Variants in UGT1A5 observed in about 807,000 individuals in gnomAD.
UGT1A5 encodes UDP-glucuronosyltransferase 1A5.
UGT1A5 carries 29 observed loss-of-function variants against 40.3 expected under a neutral mutation model. That is an observed-to-expected ratio of 0.72 (90% CI 0.54 to 0.98). The LOEUF is 0.98. Ranked by LOEUF, UGT1A5 falls within the 50% of genes least tolerant of loss-of-function variation. The pLI, the probability that UGT1A5 is intolerant of heterozygous loss-of-function variation, is 0.00. For missense variants in UGT1A5, 678 were observed against 677.9 expected (o/e 1.00, Z 0.00); for synonymous variants, 257 against 262.5 (o/e 0.98, Z 0.20).
chr2:233,751,416 G>A (rs1308291640), intron 1 of UGT1A5, among the ~76,000 whole-genome samples: 3 of 152,160 alleles, frequency 2.0e-5, no homozygotes, highest in African/African-American at 4.8e-5. Flanking sequence ...GGACTTTTGA[G>A]CTAGTGCTGA....
chr2:233,713,647 C>T lies in UGT1A5; in HGVS notation c.656C>T (p.Ala219Val), dbSNP rs2076336191. Residue 219 changes from alanine (A) to valine (V), a missense_variant, in exon 1 of 5, where the codon GCC becomes GTC. Transcript: ENST00000373414. ...GTCAAGAACATGCTCTACCCTCTGG[C>T]CCTGTCCTACCTTTGCCATGCTGTT... ...QRVKNMLYPLALSYLCHAVSA... is the reference protein window; with the variant it reads ...QRVKNMLYPLVLSYLCHAVSA... The T allele has an allele frequency of 1.2e-6, 2 of 1,613,856 alleles. No homozygotes were observed. The highest frequency in any genetic ancestry group is 1.3e-5 in the African/African-American group (1 of 74,932).
chr2:233,719,574 G>A (rs2076782937), intron 1 of UGT1A5: 1 of 1,613,926 alleles, frequency 6.2e-7, no homozygotes, highest in Non-Finnish European at 8.5e-7. Context: ...TGTCAGCTAT[G>A]CATCCGTGTG....
chr2:233,772,894 C>CCA lies in UGT1A5; in HGVS notation c.*337_*338dup, dbSNP rs554656848. 8.1e-6 allele frequency: 4 copies of CCA among 491,752 alleles called. No individual in the cohort carries two copies. Among genetic ancestry groups the CCA allele is most frequent in the Non-Finnish European group, 1.3e-5 (4 of 303,172 alleles). The allele number at this position is 491,752 out of a possible 1,614,324, so 30.5% of individuals were successfully genotyped here. A position where few individuals can be genotyped will look rare whatever the true frequency, so the allele number is the denominator to read the frequency against. ...GGGAGTGCGGGATTCAAAGGTGGTC[C>CCA]CACGGCTGCCCCTACTGCAAATGGC... On this transcript the variant is annotated 3_prime_UTR_variant, in exon 5 of 5. Transcript: ENST00000373414.
Position 233,768,378 on chromosome 2 carries a change from G to T in UGT1A5, c.1246G>T (p.Val416Phe). 6.2e-7 allele frequency: 1 copy of T among 1,614,156 alleles called. No homozygotes were observed. The highest frequency in any genetic ancestry group is 1.1e-5 in the South Asian group (1 of 91,088). ...ETKGAGVTLNVLEMTSEDLEN... is the reference protein window; with the variant it reads ...ETKGAGVTLNFLEMTSEDLEN... ...TAAGGGAGCTGGAGTGACCCTGAAT[G>T]TTCTGGAAATGACTTCTGAAGATTT... Residue 416 changes from valine (V) to phenylalanine (F), a missense_variant, in exon 4 of 5, where the codon GTT (valine) becomes TTT (phenylalanine). Transcript: ENST00000373414.
intron 1 of UGT1A5, among the ~76,000 whole-genome samples, chr2:233,762,041 G>A (rs938298957): frequency 3.3e-5 from 5 of 152,004 alleles, no homozygotes; most frequent in Non-Finnish European, 7.4e-5. Context: ...TTAATTTTCT[G>A]TGCATTTTCC....
chr2:233,719,460 A>G (rs1246194509), intron 1 of UGT1A5: 3 of 1,613,974 alleles, frequency 1.9e-6, no homozygotes, highest in Non-Finnish European at 2.5e-6. Context: ...GGTCAAGAAC[A>G]TGCTCTACCC....
At chr2:233,720,668 A>G (rs1008664012) in intron 1 of UGT1A5, among the ~76,000 whole-genome samples, 1 of 151,708 alleles carries the variant, frequency 6.6e-6, no homozygotes, top group East Asian at 1.9e-4. Context: ...TCACACACCA[A>G]TGAATTTGGT....
At chr2:233,757,019 A>C (rs1245211871) in intron 1 of UGT1A5, among the ~76,000 whole-genome samples, 4 of 151,834 alleles carry the variant, frequency 2.6e-5, no homozygotes, top group African/African-American at 9.7e-5. Context: ...CAGTTTGAAC[A>C]AAGCAATTTG....
intron 1 of UGT1A5, among the ~76,000 whole-genome samples, chr2:233,720,841 G>C (rs529446200): frequency 2.0e-5 from 3 of 151,096 alleles, no homozygotes; most frequent in African/African-American, 7.3e-5. Context: ...GAGTAACTGG[G>C]ACTGCAGGCA....
In UGT1A5 at chr2:233,746,570, C is replaced by T. The variant is rs537470722; in HGVS notation, c.868-20464C>T. Among the ~76,000 whole-genome samples the T allele has an allele frequency of 1.8e-3, 270 of 151,834 alleles. 4 individuals are homozygous for T. The highest frequency in any genetic ancestry group is 3.0e-3 in the Non-Finnish European group (201 of 68,008). ...CTTCTTAGCCCCTAGAGCACCACACCCTGTAATTGCCTAGTTGTGAGTTTG... is the reference window on the plus strand; with the variant it reads ...CTTCTTAGCCCCTAGAGCACCACACTCTGTAATTGCCTAGTTGTGAGTTTG... On this transcript the variant is annotated intron_variant, in intron 1 of 4. Coordinates refer to ENST00000373414, the MANE Select transcript of UGT1A5 (RefSeq NM_019078.2).
In UGT1A5 at chr2:233,772,448, C is replaced by A; in HGVS notation, c.1494C>A (p.Ala498=). ...TGGACGTGATTGGTTTCCTCTTGGC[C>A]GTCGTGCTGACAGTGGCCTTCATCA... The part of the protein sequence containing the change: ...HSLDVIGFLL[A]VVLTVAFITF... Residue 498 remains alanine (A), a synonymous_variant, in exon 5 of 5, where the codon GCC becomes GCA. Coordinates refer to ENST00000373414, the MANE Select transcript of UGT1A5 (RefSeq NM_019078.2). 6.2e-7 allele frequency: 1 copy of A among 1,614,180 alleles called. No individual in the cohort carries two copies. The highest frequency in any genetic ancestry group is 8.5e-7 in the Non-Finnish European group (1 of 1,180,038).
At chr2:233,731,193 A>G (rs750244105) in intron 1 of UGT1A5, among the ~76,000 whole-genome samples, 7 of 152,062 alleles carry the variant, frequency 4.6e-5, no homozygotes, top group East Asian at 1.9e-4. Flanking sequence ...TAATTATTCA[A>G]TTATAAAATA....
rs1215128625 is a variant in UGT1A5, at chr2:233,769,761, G to A, written c.1307+1322G>A. ...TCCCAGCCACTCTGGAGGCTAAGGC[G>A]GGAGGATTGCTTGAGCCCAGAAGTT... is the stretch of plus-strand genomic sequence containing the variant. On this transcript the variant is annotated intron_variant, in intron 4 of 4. Transcript: ENST00000373414. This position sits in a 1 kb window ranked among gnomAD's most constrained non-coding sequence, Gnocchi z 4.4. The A allele has an allele frequency of 1.3e-5, 18 of 1,414,110 alleles. No homozygotes were observed. In the South Asian group the frequency reaches 1.6e-4, roughly 12 times the overall value. The allele number at this position is 1,414,110 out of a possible 1,614,324, so 87.6% of individuals were successfully genotyped here. A position where few individuals can be genotyped will look rare whatever the true frequency, so the allele number is the denominator to read the frequency against.
intron 1 of UGT1A5, among the ~76,000 whole-genome samples, chr2:233,758,340 C>G (rs1004425999): frequency 6.6e-6 from 1 of 152,226 alleles, no homozygotes; most frequent in Non-Finnish European, 1.5e-5. Flanking sequence ...CTTGGAAGCT[C>G]TGCATGATGC....
At chr2:233,718,649 C>T (rs1013351620) in intron 1 of UGT1A5, 54 of 1,503,054 alleles carry the variant, frequency 3.6e-5, no homozygotes, top group Middle Eastern at 2.4e-4. Context: ...GGGCCCATAA[C>T]GAAAGGCAGT....
intron 1 of UGT1A5, chr2:233,760,227 T>G: frequency 6.3e-7 from 1 of 1,581,154 alleles, no homozygotes; most frequent in Non-Finnish European, 8.5e-7. Flanking sequence ...ATCGATTGGT[T>G]TTTGCCATAT....
At chr2:233,764,983 T>A (rs1575807741) in intron 1 of UGT1A5, among the ~76,000 whole-genome samples, 1 of 152,200 alleles carries the variant, frequency 6.6e-6, no homozygotes, top group East Asian at 1.9e-4. Flanking sequence ...GGTCAGTGTC[T>A]GGGGCTTTCC....
chr2:233,717,672 G>A (rs1559362720), intron 1 of UGT1A5: 4 of 421,080 alleles, frequency 9.5e-6, no homozygotes, highest in Admixed American at 2.5e-5. Flanking sequence ...GCAATCTTGC[G>A]AGCACATGTA....
In UGT1A5 at chr2:233,755,120, A is replaced by G. The variant is rs768427236; in HGVS notation, c.868-11914A>G. 115 of 1,328,248 alleles carry G rather than the reference A, an allele frequency of 8.7e-5. 2 individuals are homozygous for G. Among genetic ancestry groups the G allele is most frequent in the Admixed American group, 1.9e-4 (10 of 52,520 alleles). 82.3% of individuals were successfully genotyped at this position (1,328,248 alleles called of 1,614,324 possible). On this transcript the variant is annotated intron_variant, in intron 1 of 4. Transcript: ENST00000373414. ...CGTCCGACAACACCTCGTAGGCCTC[A>G]GCCACCTGCTTGAATCTTCTCACCG...
Sources: allele counts gnomAD v4.1 joint callset (sites outside exome capture counted in the v4.1 genomes callset), GRCh38; gene constraint gnomAD v4.1.1; non-coding constraint Gnocchi (gnomAD v3.1); transcripts MANE v1.5; gene names NCBI Gene and HGNC (gene_info 2026-07-23, HGNC 2026-07-21).